NDE1: variants seen among roughly 807,000 people sequenced by gnomAD.
NDE1 encodes the protein nudE neurodevelopment protein 1.
A neutral mutation model predicts 43.4 loss-of-function variants in NDE1; 28 were observed. The observed-to-expected ratio is 0.65, with a 90% CI of 0.48 to 0.89. The LOEUF (loss-of-function observed/expected upper bound fraction) is 0.89, where lower values mean the gene tolerates loss of function less well. Among genes scored for constraint, NDE1 ranks in the 40% least tolerant of loss-of-function variants. The pLI is 0.00. For synonymous variants in NDE1, 184 were observed against 172.0 expected (o/e 1.07, Z -0.55); for missense variants, 441 against 434.1 (o/e 1.02, Z -0.14).
At chr16:15,656,510 CTCTTT>C (rs755291375) in intron 1 of NDE1, among the ~76,000 whole-genome samples, 7 of 151,392 alleles carry the variant, frequency 4.6e-5, no homozygotes, top group Non-Finnish European at 1.0e-4. Context: ...TTTTAAGAGG[CTCTTT>C]TCTTTTATTA....
chr16:15,643,394 C>T (rs1376482324), exon 1 of NDE1: 2 of 488,998 alleles, frequency 4.1e-6, no homozygotes, highest in East Asian at 6.7e-5. Flanking sequence ...TTTAAGGAGG[C>T]CTTCCCCCTG....
Position 15,658,183 on chromosome 16 carries a change from C to T in NDE1, c.-43-6553C>T, listed in dbSNP as rs112572072. Among the ~76,000 whole-genome samples the T allele has an allele frequency of 5.4e-3, 821 of 152,320 alleles. 4 individuals are homozygous for T. Among genetic ancestry groups the T allele is most frequent in the Middle Eastern group, 0.02 (6 of 294 alleles). On this transcript the variant is annotated intron_variant, in intron 1 of 8. Transcript: ENST00000396354. ...ACCACCGGCAGTTTCAGGCTTACCT[C>T]CGGCTTCAGGCTTACCTCCAGCTTC...
intron 7 of NDE1, 74 bp downstream of exon 7, chr16:15,694,330 T>TTCC (rs1435789202): frequency 6.3e-7 from 1 of 1,577,180 alleles, no homozygotes; most frequent in Admixed American, 1.9e-5. Context: ...GTTGATCTAG[T>TTCC]TCCTTCCCTC....
chr16:15,699,502 G>C, intron 8 of NDE1: 1 of 1,135,122 alleles, frequency 8.8e-7, no homozygotes, highest in South Asian at 1.8e-5. Flanking sequence ...CAATAGGTAA[G>C]AGATGGATTT....
chr16:15,677,775 C>A (rs746641672), intron 3 of NDE1, 26 bp from the exon 4 acceptor site: 1 of 1,613,820 alleles, frequency 6.2e-7, no homozygotes, highest in South Asian at 1.1e-5. Flanking sequence ...TTAAGTCATT[C>A]ACTCAGTGTC....
intron 8 of NDE1, 103 bp downstream of exon 8, chr16:15,696,963 A>G (rs2039047265): frequency 6.4e-7 from 1 of 1,550,828 alleles, no homozygotes; most frequent in Admixed American, 2.0e-5. Context: ...TTTAAATTAT[A>G]GGATTATTTC....
intron 4 of NDE1, among the ~76,000 whole-genome samples, chr16:15,678,870 A>T (rs1167446126): frequency 6.6e-6 from 1 of 152,040 alleles, no homozygotes; most frequent in Non-Finnish European, 1.5e-5. Context: ...AGGTCAGGAG[A>T]TCGAGACCAT....
At chr16:15,677,742 T>G in intron 3 of NDE1, 59 bp from the exon 4 acceptor site, 1 of 1,600,546 alleles carries the variant, frequency 6.2e-7, no homozygotes, top group East Asian at 2.2e-5. Context: ...TGTGTGCTAC[T>G]GTGTCTAGCC....
At chr16:15,710,359 A>G (rs1285600235) in intron 8 of NDE1, among the ~76,000 whole-genome samples, 1 of 152,192 alleles carries the variant, frequency 6.6e-6, no homozygotes, top group South Asian at 2.1e-4. Context: ...TGCCACTACT[A>G]AAAATACAAA....
chr16:15,715,351 T>C (rs2040068485), intron 8 of NDE1: 2 of 1,352,942 alleles, frequency 1.5e-6, no homozygotes, highest in Non-Finnish European at 1.1e-6. Flanking sequence ...GGAGGTGGCA[T>C]CTTGAGTGCT....
At chr16:15,666,295 C>T (rs571033084) in intron 2 of NDE1, among the ~76,000 whole-genome samples, 1 of 151,982 alleles carries the variant, frequency 6.6e-6, no homozygotes, top group Non-Finnish European at 1.5e-5. Flanking sequence ...GGCCTTATTC[C>T]AGTCCCCTTA....
intron 1 of NDE1, among the ~76,000 whole-genome samples, chr16:15,657,771 T>G (rs779582712): frequency 5.9e-5 from 9 of 151,522 alleles, no homozygotes; most frequent in Non-Finnish European, 1.3e-4. Flanking sequence ...GATTTTTGTT[T>G]TTGTTTTTTT....
At chr16:15,657,676 C>T (rs1173754211) in intron 1 of NDE1, among the ~76,000 whole-genome samples, 1 of 152,140 alleles carries the variant, frequency 6.6e-6, no homozygotes, top group East Asian at 1.9e-4. Context: ...CTCACTGCAG[C>T]CTCCGCTTCT....
At chr16:15,678,804 C>T (rs2038018922) in intron 4 of NDE1, among the ~76,000 whole-genome samples, 1 of 152,104 alleles carries the variant, frequency 6.6e-6, no homozygotes, top group South Asian at 2.1e-4. Context: ...TGGCCAGGCA[C>T]GGTGGCTCAC....
intron 8 of NDE1, among the ~76,000 whole-genome samples, chr16:15,703,006 A>G (rs1326109091): frequency 6.6e-6 from 1 of 152,056 alleles, no homozygotes; most frequent in Admixed American, 6.6e-5. Flanking sequence ...TCACCTCTCT[A>G]GGCCTCAGTT....
At chr16:15,719,015 C>T in intron 8 of NDE1, 1 of 621,838 alleles carries the variant, frequency 1.6e-6, no homozygotes, top group East Asian at 3.0e-5. Context: ...GTAGTCTCAG[C>T]TACTCAGAAG....
At chr16:15,651,118 C>G (rs542998087) in intron 1 of NDE1, among the ~76,000 whole-genome samples, 1 of 152,312 alleles carries the variant, frequency 6.6e-6, no homozygotes, top group East Asian at 1.9e-4. Flanking sequence ...TTATCTTCTC[C>G]GAGCCATCTC....
intron 8 of NDE1, among the ~76,000 whole-genome samples, chr16:15,720,472 G>A (rs558532050): frequency 2.0e-5 from 3 of 152,164 alleles, no homozygotes; most frequent in African/African-American, 7.2e-5. Context: ...CACGCCGGGC[G>A]TGGGTGGCTC....
In NDE1 at chr16:15,684,946, G is replaced by A. The variant is rs1384481696; in HGVS notation, c.387-2429G>A. On this transcript the variant is annotated intron_variant, in intron 4 of 8. Coordinates refer to ENST00000396354, the MANE Select transcript of NDE1 (RefSeq NM_017668.3). ...AGCTAGTTCCCTGATCTCTTTTACAGAGTTCCTCTGATCATTCTTGTTTCA... is the reference window on the plus strand; with the variant it reads ...AGCTAGTTCCCTGATCTCTTTTACAAAGTTCCTCTGATCATTCTTGTTTCA... 3.9e-5 allele frequency among the ~76,000 whole-genome samples: 6 copies of A among 152,204 alleles called. No individual in the cohort carries two copies. In the South Asian group the frequency reaches 1.0e-3, roughly 26 times the overall value.
Sources: allele counts gnomAD v4.1 joint callset (sites outside exome capture counted in the v4.1 genomes callset), GRCh38; gene constraint gnomAD v4.1.1; transcripts MANE v1.5; gene names NCBI Gene and HGNC (gene_info 2026-07-23, HGNC 2026-07-21).